Variants in RAPGEF4 observed in about 807,000 individuals in gnomAD.
RAPGEF4 encodes the protein RAP guanine-nucleotide-exchange factor (GEF) 4.
RAPGEF4 carries 66 observed loss-of-function variants against 147.9 expected under a neutral mutation model. The ratio of observed to expected loss-of-function variants is 0.45; its 90% CI spans 0.37 to 0.55. The LOEUF (loss-of-function observed/expected upper bound fraction) is 0.55. RAPGEF4 is among the 20% of genes least tolerant of loss of function. The pLI, the probability that RAPGEF4 is intolerant of heterozygous loss-of-function variation, is 0.00. For synonymous variants in RAPGEF4, 419 were observed against 442.7 expected (o/e 0.95, Z 0.67); for missense variants, 1,071 against 1,257.3 (o/e 0.85, Z 2.24).
chr2:173,044,449 G>C (rs79240201), intron 29 of RAPGEF4, among the ~76,000 whole-genome samples: 1 of 152,112 alleles, frequency 6.6e-6, no homozygotes, highest in Non-Finnish European at 1.5e-5. Context: ...ATCTACTTCT[G>C]TGCCCCTCTG....
At chr2:172,997,637 C>T (rs1031019650) in intron 16 of RAPGEF4, among the ~76,000 whole-genome samples, 14 of 151,980 alleles carry the variant, frequency 9.2e-5, no homozygotes, top group East Asian at 5.8e-4. Context: ...ACAGCCCACA[C>T]GCAACGTGTT....
At chr2:173,016,547 ATTTG>A in intron 19 of RAPGEF4, 110 bp downstream of exon 19, 1 of 870,248 alleles carries the variant, frequency 1.1e-6, no homozygotes, top group Non-Finnish European at 1.9e-6. Context: ...GCCCCGCTTG[ATTTG>A]ATTTAAGCAG....
chr2:172,986,491 A>G (rs944274133), intron 12 of RAPGEF4, among the ~76,000 whole-genome samples: 1 of 152,202 alleles, frequency 6.6e-6, no homozygotes, highest in African/African-American at 2.4e-5. Flanking sequence ...AACTTCTTCA[A>G]ATGTTCAAGG....
intron 23 of RAPGEF4, among the ~76,000 whole-genome samples, chr2:173,025,085 C>A (rs887661672): frequency 1.3e-5 from 2 of 152,236 alleles, no homozygotes; most frequent in African/African-American, 4.8e-5. Flanking sequence ...AAAATTCATT[C>A]ATGTTCCCCT....
chr2:172,783,496 A>T (rs78488656), intron 1 of RAPGEF4, among the ~76,000 whole-genome samples: 4,537 of 152,186 alleles, frequency 0.03, 103 homozygotes, highest in South Asian at 0.07. Flanking sequence ...CCAAAGGATC[A>T]CAGGGGTCTT....
At chr2:172,794,050 C>T (rs1486268562) in intron 1 of RAPGEF4, among the ~76,000 whole-genome samples, 1 of 151,880 alleles carries the variant, frequency 6.6e-6, no homozygotes, top group Non-Finnish European at 1.5e-5. Context: ...ATCACTTAAG[C>T]CCTGGAGGTC....
At chr2:172,760,921 A>C (rs902236353) in intron 1 of RAPGEF4, among the ~76,000 whole-genome samples, 15 of 151,980 alleles carry the variant, frequency 9.9e-5, no homozygotes, top group Non-Finnish European at 1.8e-4. Context: ...AAATATGAAA[A>C]CTTAAAGAAA....
rs532772024 is a variant in RAPGEF4, at chr2:173,032,530, G to A, written c.2650-1384G>A. 3.9e-5 allele frequency among the ~76,000 whole-genome samples: 6 copies of A among 152,278 alleles called. No individual in the cohort carries two copies. In the South Asian group the frequency reaches 1.0e-3, roughly 26 times the overall value. ...ATAATCCACTCTTATTTTTTTAAAT[G>A]GACTAAATTCAGTAAGTCAATGTTT... On this transcript the variant is annotated intron_variant, in intron 26 of 30. Coordinates refer to ENST00000397081, the MANE Select transcript of RAPGEF4 (RefSeq NM_007023.4).
At chr2:172,902,295 C>CTTTA (rs10678095) in intron 4 of RAPGEF4, among the ~76,000 whole-genome samples, 55,652 of 148,272 alleles carry the variant, frequency 0.38, 11,666 homozygotes, top group African/African-American at 0.58. Context: ...CCTGGATCTT[C>CTTTA]TTTATTTATT....
chr2:172,813,684 T>TAA (rs199680353), intron 3 of RAPGEF4, among the ~76,000 whole-genome samples: 206 of 144,422 alleles, frequency 1.4e-3, no homozygotes, highest in African/African-American at 4.6e-3. Context: ...CTCTCTAACT[T>TAA]AAAAAAAAAA....
intron 4 of RAPGEF4, among the ~76,000 whole-genome samples, chr2:172,861,119 A>G (rs973714488): frequency 1.3e-5 from 2 of 152,248 alleles, no homozygotes; most frequent in African/African-American, 2.4e-5. Flanking sequence ...ATTTCCCGTT[A>G]GAACAGGGCT....
At chr2:172,952,931 G>A (rs909203603) in intron 6 of RAPGEF4, among the ~76,000 whole-genome samples, 3 of 152,106 alleles carry the variant, frequency 2.0e-5, no homozygotes, top group African/African-American at 7.2e-5. Context: ...ACTGTGTTAG[G>A]GTATGTTGCG....
At chr2:172,744,970 C>T (rs1355182505) in intron 1 of RAPGEF4, among the ~76,000 whole-genome samples, 1 of 152,080 alleles carries the variant, frequency 6.6e-6, no homozygotes, top group Non-Finnish European at 1.5e-5. Context: ...TGTCAACATG[C>T]ATTATACTTT....
intron 15 of RAPGEF4, among the ~76,000 whole-genome samples, 189 bp from the exon 16 acceptor site, chr2:172,996,273 CTTTG>C (rs1326280115): frequency 6.6e-6 from 1 of 151,912 alleles, no homozygotes; most frequent in African/African-American, 2.4e-5. Flanking sequence ...AACGACTTCA[CTTTG>C]TGGGTTTTCT....
At chr2:172,838,819 G>A (rs1691250833) in intron 4 of RAPGEF4, among the ~76,000 whole-genome samples, 1 of 151,196 alleles carries the variant, frequency 6.6e-6, no homozygotes, top group South Asian at 2.1e-4. Flanking sequence ...CACAGGGGAG[G>A]ATGGGAGGCA....
intron 10 of RAPGEF4, among the ~76,000 whole-genome samples, chr2:172,968,024 G>A (rs1690040703): frequency 6.6e-6 from 1 of 152,162 alleles, no homozygotes; most frequent in African/African-American, 2.4e-5. Context: ...TTCAGGAGCA[G>A]GCCACCACCT....
At chr2:172,874,711 T>A (rs949972477) in intron 4 of RAPGEF4, among the ~76,000 whole-genome samples, 3 of 152,010 alleles carry the variant, frequency 2.0e-5, no homozygotes, top group Non-Finnish European at 4.4e-5. Context: ...TAAACATACA[T>A]GTGCATGTGT....
chr2:172,761,638 A>C (rs1033919440), intron 1 of RAPGEF4, among the ~76,000 whole-genome samples: 1 of 152,212 alleles, frequency 6.6e-6, no homozygotes, highest in African/African-American at 2.4e-5. Context: ...AGGAAATGAG[A>C]AAAGAAGGAA....
intron 6 of RAPGEF4, among the ~76,000 whole-genome samples, chr2:172,945,485 T>A (rs1022287285): frequency 1.3e-5 from 2 of 152,182 alleles, no homozygotes; most frequent in Admixed American, 6.5e-5. Flanking sequence ...ATGTTTATTG[T>A]AGCTTTTGCC....
Sources: allele counts gnomAD v4.1 joint callset (sites outside exome capture counted in the v4.1 genomes callset), GRCh38; gene constraint gnomAD v4.1.1; transcripts MANE v1.5; gene names NCBI Gene and HGNC (gene_info 2026-07-23, HGNC 2026-07-21).